The following MAN2A1 variants were observed in gnomAD, a reference collection of about 807,000 sequenced individuals.
MAN2A1 encodes the protein mannosidase alpha class 2A member 1.
A neutral mutation model predicts 142.6 loss-of-function variants in MAN2A1; 76 were observed. The observed-to-expected ratio is 0.53, with a 90% CI of 0.44 to 0.65. The LOEUF (loss-of-function observed/expected upper bound fraction) is 0.65, where lower values mean the gene tolerates loss of function less well. MAN2A1 is among the 30% of genes least tolerant of loss of function. The pLI is 0.00. For missense variants in MAN2A1, 1,311 were observed against 1,365.1 expected (o/e 0.96, Z 0.62); for synonymous variants, 559 against 473.2 (o/e 1.18, Z -2.35).
intron 12 of MAN2A1, among the ~76,000 whole-genome samples, chr5:109,806,474 C>T (rs1194932612): frequency 6.6e-6 from 1 of 152,178 alleles, no homozygotes. Context: ...CGAGCTAAGT[C>T]ATTTACTTAA....
At chr5:109,775,396 TGTCCTATG>T (rs991546348) in intron 8 of MAN2A1, among the ~76,000 whole-genome samples, 5 of 152,140 alleles carry the variant, frequency 3.3e-5, no homozygotes, top group African/African-American at 1.2e-4. Context: ...TGCAAACAAA[TGTCCTATG>T]TCCAGAGAAT....
At chr5:109,829,428 T>G (rs1580295739) in intron 16 of MAN2A1, among the ~76,000 whole-genome samples, 1 of 152,154 alleles carries the variant, frequency 6.6e-6, no homozygotes, top group African/African-American at 2.4e-5. Context: ...CTCAAAACAT[T>G]CTCATAACAA....
chr5:109,731,422 A>C (rs2112587034), intron 4 of MAN2A1, among the ~76,000 whole-genome samples: 1 of 151,778 alleles, frequency 6.6e-6, no homozygotes, highest in African/African-American at 2.4e-5. Context: ...CAGGTTAGTT[A>C]CATATGTATA....
chr5:109,717,018 T>C, intron 3 of MAN2A1, among the ~76,000 whole-genome samples: 1 of 149,864 alleles, frequency 6.7e-6, no homozygotes, highest in East Asian at 2.0e-4. Flanking sequence ...TTGATATACA[T>C]ATTTGTTGGT....
intron 12 of MAN2A1, among the ~76,000 whole-genome samples, chr5:109,791,218 T>C (rs544389206): frequency 2.0e-5 from 3 of 152,160 alleles, no homozygotes; most frequent in East Asian, 1.9e-4. Flanking sequence ...TTTCTGTAGG[T>C]TGGTAAATTA....
chr5:109,726,343 G>GAAATAC (rs1476673262), intron 3 of MAN2A1, among the ~76,000 whole-genome samples: 1 of 152,062 alleles, frequency 6.6e-6, no homozygotes. Flanking sequence ...AGTGTAAAAG[G>GAAATAC]AAATACTTGA....
At chr5:109,703,379 T>C (rs1006238433) in intron 1 of MAN2A1, among the ~76,000 whole-genome samples, 18 of 152,198 alleles carry the variant, frequency 1.2e-4, no homozygotes, top group African/African-American at 4.1e-4. Flanking sequence ...TTGTCAAACA[T>C]GTAAGACAGA....
chr5:109,820,448 G>C lies in MAN2A1; in HGVS notation c.2451+106G>C, dbSNP rs1754593307. ...ATTTTATCATCTGTTGATTTATTAG[G>C]GATAGATGAACTTTTGGTTGCAGTA... On this transcript the variant is annotated intron_variant, in intron 15 of 21. Coordinates refer to ENST00000261483, the MANE Select transcript of MAN2A1 (RefSeq NM_002372.4). The C allele has an allele frequency of 6.1e-6, 7 of 1,144,606 alleles. No individual in the cohort carries two copies. In the South Asian group the frequency reaches 1.0e-4, roughly 16 times the overall value. 70.9% of individuals were successfully genotyped at this position (1,144,606 alleles called of 1,614,324 possible).
At chr5:109,740,546 G>T (rs1439585619) in intron 4 of MAN2A1, among the ~76,000 whole-genome samples, 1 of 152,142 alleles carries the variant, frequency 6.6e-6, no homozygotes, top group Non-Finnish European at 1.5e-5. Context: ...TCCCAGCATG[G>T]CTTCATTAAG....
chr5:109,773,356 C>A (rs1753198825), intron 7 of MAN2A1, among the ~76,000 whole-genome samples: 1 of 152,086 alleles, frequency 6.6e-6, no homozygotes, highest in South Asian at 2.1e-4. Flanking sequence ...ACAAGATACT[C>A]TATATCTAAT....
Position 109,784,835 on chromosome 5 carries a change from A to G in MAN2A1, c.1669A>G (p.Thr557Ala). The change falls in exon 10 of 22, where the codon ACA (threonine) becomes GCA (alanine). Residue 557 changes from threonine (T) to alanine (A), a missense_variant. This residue lies in a region of MAN2A1 where 890 missense variants were observed against 920.5 expected (regional missense o/e 0.97). Coordinates refer to ENST00000261483, the MANE Select transcript of MAN2A1 (RefSeq NM_002372.4). ...CTCATCATCACTTTACACGGCACTG[A>G]CAGAAGCCAGAAGGAATTTGGGACT... ...FLSSSLYTAL[T>A]EARRNLGLFQ... The G allele has an allele frequency of 1.9e-6, 3 of 1,613,112 alleles. No homozygotes were observed. In the Admixed American group the frequency reaches 5.0e-5, roughly 27 times the overall value.
At chr5:109,845,521 A>G (rs915057439) in intron 17 of MAN2A1, among the ~76,000 whole-genome samples, 5 of 152,164 alleles carry the variant, frequency 3.3e-5, no homozygotes, top group Non-Finnish European at 7.4e-5. Context: ...AGTTTGTTAG[A>G]TTTAGATGAG....
chr5:109,829,788 GA>G (rs1561533352), intron 16 of MAN2A1, among the ~76,000 whole-genome samples: 1 of 152,202 alleles, frequency 6.6e-6, no homozygotes, highest in Non-Finnish European at 1.5e-5. Context: ...TTTTCAGTCA[GA>G]ATTGTATAAG....
At chr5:109,775,046 T>G (rs958685175) in intron 8 of MAN2A1, 81 bp downstream of exon 8, 14 of 917,680 alleles carry the variant, frequency 1.5e-5, no homozygotes, top group Middle Eastern at 3.3e-4. Context: ...AATCCTTAGC[T>G]TCTTTGTCCT....
intron 16 of MAN2A1, among the ~76,000 whole-genome samples, chr5:109,834,787 T>C (rs977772968): frequency 3.3e-5 from 5 of 152,160 alleles, no homozygotes; most frequent in African/African-American, 9.7e-5. Context: ...AAGCAGATGT[T>C]AACATTTTCA....
At chr5:109,787,336 C>G (rs1479130995) in intron 10 of MAN2A1, among the ~76,000 whole-genome samples, 1 of 151,926 alleles carries the variant, frequency 6.6e-6, no homozygotes, top group Non-Finnish European at 1.5e-5. Flanking sequence ...ACAACCATAA[C>G]AGCAAACTAA....
At chr5:109,774,032 G>A (rs1401594262) in intron 7 of MAN2A1, among the ~76,000 whole-genome samples, 2 of 152,060 alleles carry the variant, frequency 1.3e-5, no homozygotes, top group Non-Finnish European at 2.9e-5. Flanking sequence ...GATTTCCAAA[G>A]GACATTCTGC....
chr5:109,710,879 G>A (rs147926751), intron 1 of MAN2A1, among the ~76,000 whole-genome samples: 2 of 152,178 alleles, frequency 1.3e-5, no homozygotes, highest in East Asian at 1.9e-4. Flanking sequence ...TAGTAGAGAC[G>A]GGGTTTCTCC....
chr5:109,862,532 C>G (rs906829313), intron 20 of MAN2A1: 2 of 152,198 alleles, frequency 1.3e-5, no homozygotes, highest in South Asian at 2.1e-4. Flanking sequence ...CCCACATCCT[C>G]CCATTTTATG....
Sources: allele counts gnomAD v4.1 joint callset (sites outside exome capture counted in the v4.1 genomes callset), GRCh38; gene constraint gnomAD v4.1.1; regional missense constraint gnomAD v4.1.1; transcripts MANE v1.5; gene names NCBI Gene and HGNC (gene_info 2026-07-23, HGNC 2026-07-21).